PPARG: variants seen among roughly 807,000 people sequenced by gnomAD.
The protein encoded by PPARG is peroxisome proliferator-activated receptor gamma.
In PPARG, 17 loss-of-function variants were observed where a neutral mutation model predicts 39.2. The ratio of observed to expected loss-of-function variants is 0.43; its 90% confidence interval spans 0.30 to 0.65. The LOEUF (loss-of-function observed/expected upper bound fraction) is 0.65. Ranked by LOEUF, PPARG falls within the 30% of genes least tolerant of loss-of-function variation. The pLI is 0.13. For synonymous variants in PPARG, 223 were observed against 215.7 expected (o/e 1.03, Z -0.30); for missense variants, 406 against 585.9 (o/e 0.69, Z 3.17).
Position 12,365,868 on chromosome 3 carries a change from T to C in PPARG, c.-8-13836T>C, listed in dbSNP as rs540537810. 2.0e-5 allele frequency among the ~76,000 whole-genome samples: 3 copies of C among 152,270 alleles called. No individual in the cohort carries two copies. In the East Asian group the frequency reaches 5.8e-4, roughly 29 times the overall value. On this transcript the variant is annotated intron_variant, in intron 2 of 7. Transcript: ENST00000651735. The stretch of plus-strand genomic sequence containing the variant: ...TCGACTTTATTCTTCTTCTTTAATA[T>C]TGAGTTGGCTATTACGGGTCTTTTG...
At chr3:12,373,612 T>C (rs985120026) in intron 2 of PPARG, among the ~76,000 whole-genome samples, 3 of 152,146 alleles carry the variant, frequency 2.0e-5, no homozygotes, top group African/African-American at 7.2e-5. Flanking sequence ...AATGAAAATT[T>C]ACTCTACTCT....
chr3:12,379,926 A>G lies in PPARG; in HGVS notation c.215A>G (p.Tyr72Cys), dbSNP rs750218440. 1 of 1,596,158 alleles carries G rather than the reference A, an allele frequency of 6.3e-7. No homozygotes were observed. The change falls in exon 3 of 8, where the codon TAC becomes TGC. Residue 72 changes from tyrosine to cysteine, a missense_variant. Tyr to Cys is a radical substitution (Grantham distance 194). This residue lies in a region of PPARG where 131 missense variants were observed against 127.9 expected (regional missense o/e 1.02). Coordinates refer to ENST00000651735, the MANE Select transcript of PPARG (RefSeq NM_138711.6). Reference sequence around the variant, plus strand: ...AAGTATGACCTGAAACTTCAAGAGTACCAAAGTATGATGTTTATTTTCACT... The same window carrying G: ...AAGTATGACCTGAAACTTCAAGAGTGCCAAAGTATGATGTTTATTTTCACT... ...DYKYDLKLQEYQSAIKVEPAS... is the reference protein window; with the variant it reads ...DYKYDLKLQECQSAIKVEPAS...
At chr3:12,354,971 C>T (rs2048613911) in intron 2 of PPARG, among the ~76,000 whole-genome samples, 1 of 152,066 alleles carries the variant, frequency 6.6e-6, no homozygotes, top group Admixed American at 6.6e-5. Flanking sequence ...AATTATTTCC[C>T]ACTTTCATTA....
chr3:12,298,298 C>CAAAAAAAAAAAAAA (rs58459399), intron 1 of PPARG, among the ~76,000 whole-genome samples: 11 of 41,358 alleles, frequency 2.7e-4, no homozygotes, highest in African/African-American at 1.6e-3. Context: ...GACTCTGTCT[C>CAAAAAAAAAAAAAA]AAAAAAAAAA....
intron 1 of PPARG, among the ~76,000 whole-genome samples, chr3:12,298,808 C>G (rs1214831932): frequency 6.6e-6 from 1 of 152,034 alleles, no homozygotes; most frequent in Non-Finnish European, 1.5e-5. Context: ...TCTACTGAGA[C>G]TGATGCGTTT....
intron 2 of PPARG, chr3:12,372,096 A>G: frequency 2.8e-6 from 2 of 721,798 alleles, no homozygotes; most frequent in Non-Finnish European, 5.2e-6. Flanking sequence ...CAAAGGACCT[A>G]TGAAAGGCTT....
chr3:12,354,338 T>A (rs1483205753), intron 2 of PPARG, among the ~76,000 whole-genome samples: 2 of 152,094 alleles, frequency 1.3e-5, no homozygotes, highest in Non-Finnish European at 2.9e-5. Context: ...ACAGGATTAA[T>A]GGGAGGATTA....
At chr3:12,360,119 T>C (rs2048794255) in intron 2 of PPARG, among the ~76,000 whole-genome samples, 1 of 152,172 alleles carries the variant, frequency 6.6e-6, no homozygotes, top group African/African-American at 2.4e-5. Context: ...AAAATACTTG[T>C]GTTGGTTTTT....
rs147868224 is a variant in PPARG at position 12,326,496 on chromosome 3, A to C, written c.-9+14043A>C. 5.4e-3 allele frequency among the ~76,000 whole-genome samples: 817 copies of C among 152,326 alleles called. 3 individuals carry two copies. The highest frequency in any genetic ancestry group is 0.019 in the African/African-American group (770 of 41,562). On this transcript the variant is annotated intron_variant, in intron 2 of 7. Coordinates refer to ENST00000651735, the MANE Select transcript of PPARG (RefSeq NM_138711.6). ...CATTTGTCCAAATACATGTTTTTAT[A>C]TATTTTATGCTACTTTCCAGAATAT...
At chr3:12,407,184 CAG>C (rs2125257180) in intron 6 of PPARG, among the ~76,000 whole-genome samples, 2 of 152,118 alleles carry the variant, frequency 1.3e-5, no homozygotes, top group South Asian at 4.2e-4. Flanking sequence ...TGTTTTGAGA[CAG>C]AGTCTTGCTC....
chr3:12,393,999 A>G (rs1008860424), intron 5 of PPARG, among the ~76,000 whole-genome samples: 1 of 152,156 alleles, frequency 6.6e-6, no homozygotes, highest in Admixed American at 6.6e-5. Context: ...TCAACAATTG[A>G]CTACATCTGC....
At chr3:12,422,374 A>G (rs2125299024) in intron 7 of PPARG, among the ~76,000 whole-genome samples, 1 of 152,312 alleles carries the variant, frequency 6.6e-6, no homozygotes, top group Non-Finnish European at 1.5e-5. Context: ...AAAGAGGTTA[A>G]GCAGTTTGCC....
chr3:12,424,888 T>G (rs765797999), intron 7 of PPARG, among the ~76,000 whole-genome samples: 4 of 152,146 alleles, frequency 2.6e-5, no homozygotes, highest in Non-Finnish European at 4.4e-5. Context: ...CCAAATAACA[T>G]GATGTGAAGC....
chr3:12,370,369 T>C lies in PPARG; in HGVS notation c.-8-9335T>C, dbSNP rs989832740. On this transcript the variant is annotated intron_variant, in intron 2 of 7. Transcript: ENST00000651735. The stretch of plus-strand genomic sequence containing the variant: ...TATTAATCTTGACAGTGTTCCTTTC[T>C]GTGTGGTTTAAGAAATCCTTTCTCT... 4.6e-5 allele frequency among the ~76,000 whole-genome samples: 7 copies of C among 152,130 alleles called. 1 individual carries two copies. Among genetic ancestry groups the C allele is most frequent in the Admixed American group, 4.6e-4 (7 of 15,268 alleles).
chr3:12,307,339 T>C (rs2047100925), intron 1 of PPARG, among the ~76,000 whole-genome samples: 1 of 152,140 alleles, frequency 6.6e-6, no homozygotes, highest in South Asian at 2.1e-4. Context: ...CAGATCCGTG[T>C]ATTTACTTGC....
At chr3:12,419,590 T>A (rs527828384) in intron 7 of PPARG, among the ~76,000 whole-genome samples, 1 of 152,160 alleles carries the variant, frequency 6.6e-6, no homozygotes, top group South Asian at 2.1e-4. Flanking sequence ...TGCCTCAGCC[T>A]CCCTAGTAGC....
intron 2 of PPARG, among the ~76,000 whole-genome samples, chr3:12,378,699 A>C (rs2049508796): frequency 6.6e-6 from 1 of 152,142 alleles, no homozygotes; most frequent in African/African-American, 2.4e-5. Context: ...TATCAGCCAG[A>C]GTTTCAGTTA....
intron 5 of PPARG, among the ~76,000 whole-genome samples, chr3:12,403,214 A>G (rs74500136): frequency 1 from 151,008 of 151,014 alleles, 75,501 homozygotes; most frequent in Middle Eastern, 1. Context: ...AATCGCTTGA[A>G]CCCAGGAGGT....
rs540750607 is a variant in PPARG, at chr3:12,348,087, C to G, written c.-8-31617C>G. ...CATATTCATTCTAGAGAATAAATTC[C>G]AAATTTATAGCAAAAAAAGAGTGAA... On this transcript the variant is annotated intron_variant, in intron 2 of 7. Transcript: ENST00000651735. 2.0e-3 allele frequency among the ~76,000 whole-genome samples: 301 copies of G among 152,046 alleles called. 1 individual carries two copies. The highest frequency in any genetic ancestry group is 7.2e-3 in the African/African-American group (297 of 41,482).
Sources: allele counts gnomAD v4.1 joint callset (sites outside exome capture counted in the v4.1 genomes callset), GRCh38; gene constraint gnomAD v4.1.1; regional missense constraint gnomAD v4.1.1; transcripts MANE v1.5; gene names NCBI Gene and HGNC (gene_info 2026-07-23, HGNC 2026-07-21).